Variants in ANKRD55 observed in about 807,000 individuals in gnomAD.
The protein encoded by ANKRD55 is ankyrin repeat domain 55.
A neutral mutation model predicts 60.6 loss-of-function variants in ANKRD55; 41 were observed. That is an observed-to-expected ratio of 0.68 (90% CI 0.53 to 0.88). ANKRD55 has a LOEUF of 0.88. Ranked by LOEUF, ANKRD55 falls within the 40% of genes least tolerant of loss-of-function variation. The pLI, the probability that ANKRD55 is intolerant of heterozygous loss-of-function variation, is 0.00. For missense variants in ANKRD55, 732 were observed against 767.6 expected, an observed-to-expected ratio of 0.95 and a Z score of 0.55; for synonymous variants, 264 against 290.3, an observed-to-expected ratio of 0.91 and a Z score of 0.92.
chr5:56,173,826 G>A (rs1040671945), intron 4 of ANKRD55, among the ~76,000 whole-genome samples: 13 of 152,160 alleles, frequency 8.5e-5, no homozygotes, highest in Non-Finnish European at 1.6e-4. Context: ...GATTACAGGC[G>A]TGAGCCACCG....
At chr5:56,159,967 ATGACCTT>A in intron 5 of ANKRD55, 74 bp from the exon 6 acceptor site, 1 of 1,342,486 alleles carries the variant, frequency 7.4e-7, no homozygotes, top group Admixed American at 1.8e-5. Flanking sequence ...GTATAAAAAC[ATGACCTT>A]AGAAAAACCG....
At chr5:56,109,048 CACA>C in intron 10 of ANKRD55, among the ~76,000 whole-genome samples, 1 of 101,266 alleles carries the variant, frequency 9.9e-6, no homozygotes, top group South Asian at 3.1e-4. Context: ...AACACACACA[CACA>C]CACACACACA....
intron 2 of ANKRD55, among the ~76,000 whole-genome samples, chr5:56,222,786 G>A (rs1299273394): frequency 1.3e-5 from 2 of 152,174 alleles, no homozygotes; most frequent in African/African-American, 2.4e-5. Context: ...AATGAAGCCA[G>A]AAGAGAAGTT....
At chr5:56,128,948 A>G (rs1411889400) in intron 7 of ANKRD55, among the ~76,000 whole-genome samples, 2 of 152,230 alleles carry the variant, frequency 1.3e-5, no homozygotes, top group African/African-American at 2.4e-5. Context: ...TTAGACCTAC[A>G]TCAGTACCAG....
chr5:56,130,132 G>A (rs1226431160), intron 7 of ANKRD55, among the ~76,000 whole-genome samples: 2 of 152,218 alleles, frequency 1.3e-5, no homozygotes, highest in Non-Finnish European at 2.9e-5. Context: ...AAAGCCTGGG[G>A]CTGCCTCTTC....
intron 6 of ANKRD55, among the ~76,000 whole-genome samples, chr5:56,150,472 T>C (rs1210612031): frequency 1.3e-5 from 2 of 149,714 alleles, no homozygotes; most frequent in African/African-American, 4.9e-5. Context: ...GGTATGGTGG[T>C]ATGCGCCTGT....
intron 2 of ANKRD55, among the ~76,000 whole-genome samples, chr5:56,206,609 C>T (rs1759515433): frequency 6.6e-6 from 1 of 152,144 alleles, no homozygotes; most frequent in Non-Finnish European, 1.5e-5. Context: ...CTGGTTGTTT[C>T]ATAGTGCATA....
intron 7 of ANKRD55, among the ~76,000 whole-genome samples, chr5:56,135,296 T>C (rs556162570): frequency 0.19 from 1,348 of 7,018 alleles, 40 homozygotes; most frequent in South Asian, 0.3. Flanking sequence ...GCCTGCTTGC[T>C]TTCTTTCTTT....
chr5:56,101,213 T>C (rs760466032), intron 11 of ANKRD55, among the ~76,000 whole-genome samples: 6 of 152,218 alleles, frequency 3.9e-5, no homozygotes, highest in African/African-American at 9.6e-5. Flanking sequence ...ATATATACTC[T>C]ATGCAAACAG....
chr5:56,180,618 T>A (rs1561283029), intron 3 of ANKRD55, among the ~76,000 whole-genome samples: 1 of 152,230 alleles, frequency 6.6e-6, no homozygotes, highest in Non-Finnish European at 1.5e-5. Context: ...GATCTTTGAT[T>A]TATTTAATTA....
intron 2 of ANKRD55, among the ~76,000 whole-genome samples, chr5:56,216,105 A>G (rs1029870202): frequency 8.6e-5 from 13 of 151,422 alleles, no homozygotes; most frequent in South Asian, 2.1e-4. Context: ...TATTAATTTC[A>G]TAATTAGGAA....
intron 7 of ANKRD55, chr5:56,137,096 T>C: frequency 1.0e-6 from 1 of 991,372 alleles, no homozygotes; most frequent in Non-Finnish European, 1.6e-6. Context: ...AGGGTAGGCA[T>C]ATATGAAAAG....
chr5:56,136,580 T>G (rs1227251732), intron 7 of ANKRD55, among the ~76,000 whole-genome samples: 4 of 152,168 alleles, frequency 2.6e-5, no homozygotes, highest in Non-Finnish European at 5.9e-5. Context: ...ACAGACCTTA[T>G]ACCTTTCACA....
chr5:56,201,915 C>T (rs1759389798), intron 2 of ANKRD55, among the ~76,000 whole-genome samples: 1 of 152,134 alleles, frequency 6.6e-6, no homozygotes. Flanking sequence ...CAGTGATAAA[C>T]TGGATAGAGA....
intron 2 of ANKRD55, among the ~76,000 whole-genome samples, chr5:56,220,405 C>T (rs188554802): frequency 6.7e-6 from 1 of 149,520 alleles, no homozygotes; most frequent in East Asian, 2.0e-4. Flanking sequence ...ATGGATTGGT[C>T]TGTCACACAC....
chr5:56,220,274 G>T (rs962043420), intron 2 of ANKRD55, among the ~76,000 whole-genome samples: 9 of 152,204 alleles, frequency 5.9e-5, no homozygotes, highest in Non-Finnish European at 1.3e-4. Context: ...CTCAGCCAGG[G>T]GCTTCCTTCT....
rs555990801 is a variant in ANKRD55 at position 56,158,184 on chromosome 5, A to T, written c.483+1649T>A. 4.1e-4 allele frequency among the ~76,000 whole-genome samples: 42 copies of T among 101,504 alleles called. No homozygotes were observed. The East Asian group carries it at 4.6e-3, about 11-fold the overall frequency. 66.6% of individuals were successfully genotyped at this position (101,504 alleles called of 152,430 possible). A position where few individuals can be genotyped will look rare whatever the true frequency, so the allele number is the denominator to read the frequency against. ...CGACAGAGTAAGAATCTGTCTATTT[A>T]AAAAAAAAAGGCAGATGCGGGGGCA... On this transcript the variant is annotated intron_variant, in intron 6 of 11. Coordinates refer to ENST00000341048, the MANE Select transcript of ANKRD55 (RefSeq NM_024669.3).
intron 8 of ANKRD55, among the ~76,000 whole-genome samples, chr5:56,122,385 T>C (rs1347822510): frequency 6.6e-6 from 1 of 152,074 alleles, no homozygotes; most frequent in Non-Finnish European, 1.5e-5. Flanking sequence ...GCACGGTGGC[T>C]AACATCTAGA....
At chr5:56,190,210 T>C (rs914949527) in intron 2 of ANKRD55, among the ~76,000 whole-genome samples, 5 of 152,230 alleles carry the variant, frequency 3.3e-5, no homozygotes, top group Admixed American at 2.0e-4. Flanking sequence ...GAGTTCTTTA[T>C]ATATTCTGAA....
Sources: gnomAD v4.1 joint callset for allele counts (sites outside exome capture counted in the v4.1 genomes callset) on GRCh38, gnomAD v4.1.1 for gene constraint, MANE v1.5 for transcripts, NCBI Gene and HGNC (gene_info 2026-07-23, HGNC 2026-07-21) for gene names.